The following PAX2 variants were observed in gnomAD, a reference collection of about 807,000 sequenced individuals.
PAX2 encodes the protein paired box protein Pax-2.
Under a neutral mutation model 41.7 loss-of-function variants are expected in PAX2, and 9 were observed. The ratio of observed to expected loss-of-function variants is 0.22; its 90% confidence interval spans 0.13 to 0.38. The LOEUF (loss-of-function observed/expected upper bound fraction) is 0.38. PAX2 is among the 10% of genes least tolerant of loss of function. The probability of loss-of-function intolerance (pLI) is 1.00; values close to 1 mark genes in which losing one functional copy is unlikely to be tolerated. For synonymous variants in PAX2, 221 were observed against 212.7 expected (o/e 1.04, Z -0.34); for missense variants, 418 against 531.6 (o/e 0.79, Z 2.10).
chr10:100,821,368 A>C (rs1309344788), intron 7 of PAX2, among the ~76,000 whole-genome samples: 2 of 152,220 alleles, frequency 1.3e-5, no homozygotes, highest in Non-Finnish European at 2.9e-5. Context: ...TACTGGTGTT[A>C]TAGACTCCGC....
intron 5 of PAX2, among the ~76,000 whole-genome samples, chr10:100,801,486 AC>A (rs1323175107): frequency 6.6e-6 from 1 of 152,170 alleles, no homozygotes; most frequent in African/African-American, 2.4e-5. Context: ...GTAGTAGCTC[AC>A]CCCCTTGAGA....
At chr10:100,764,789 C>T (rs1845963289) in intron 3 of PAX2, among the ~76,000 whole-genome samples, 1 of 152,046 alleles carries the variant, frequency 6.6e-6, no homozygotes, top group East Asian at 1.9e-4. Context: ...ATGGCATTTT[C>T]GTAGGTTGTG....
intron 5 of PAX2, chr10:100,786,918 T>G: frequency 7.4e-7 from 1 of 1,350,548 alleles, no homozygotes; most frequent in Non-Finnish European, 1.0e-6. Context: ...TCTCTCAGTG[T>G]TTGTCTGTCT....
upstream of PAX2, among the ~76,000 whole-genome samples, chr10:100,744,290 C>A (rs1034996148): frequency 6.6e-6 from 1 of 152,216 alleles, no homozygotes; most frequent in African/African-American, 2.4e-5. Context: ...GCCGAGCCGC[C>A]CTTTCGCAGA....
intron 5 of PAX2, among the ~76,000 whole-genome samples, chr10:100,805,691 G>A (rs908223117): frequency 3.3e-5 from 5 of 152,238 alleles, no homozygotes; most frequent in African/African-American, 9.6e-5. Flanking sequence ...ACTGGCTCCT[G>A]TAGGAGGCTT....
In PAX2 at chr10:100,749,848, T is replaced by G; in HGVS notation, c.146T>G (p.Val49Gly). 1 of 1,612,152 alleles carries G rather than the reference T, an allele frequency of 6.2e-7. No individual in the cohort carries two copies. Among genetic ancestry groups the G allele is most frequent in the Non-Finnish European group, 8.5e-7 (1 of 1,179,426 alleles). Residue 49 changes from valine (V) to glycine (G), a missense_variant, in exon 2 of 10, where the codon GTG becomes GGG. Val to Gly is a moderately radical substitution (Grantham distance 109). Around this residue, in one of 2 missense-constraint regions of PAX2, gnomAD observed 108 missense variants for 206.3 expected, o/e 0.52. Coordinates refer to ENST00000355243, the MANE Select transcript of PAX2 (RefSeq NM_000278.5). ...ATCGTGGAGCTGGCCCACCAGGGTG[T>G]GCGGCCCTGTGACATCTCCCGGCAG... The part of the protein sequence containing the change: ...QRIVELAHQG[V>G]RPCDISRQLR...
In PAX2 at chr10:100,746,173, C is replaced by A. The variant is rs1845162757; in HGVS notation, c.-88C>A. On this transcript the variant is annotated 5_prime_UTR_variant, in exon 1 of 10. Coordinates refer to ENST00000355243, the MANE Select transcript of PAX2 (RefSeq NM_000278.5). ...TCACTCATCCTCCCTCCCCCACCGT[C>A]CCTCCCTTTTCTCCTCAAGTCCTGA... The A allele has an allele frequency of 1.9e-6, 3 of 1,607,236 alleles. No individual in the cohort carries two copies. The highest frequency in any genetic ancestry group is 1.7e-6 in the Non-Finnish European group (2 of 1,176,520).
At chr10:100,735,875 G>A (rs1589794735) in intron 1 of PAX2, 1 of 482,114 alleles carries the variant, frequency 2.1e-6, no homozygotes, top group Non-Finnish European at 2.8e-6. Context: ...GGGGACTGAG[G>A]CTCTGCGGAC....
intron 6 of PAX2, among the ~76,000 whole-genome samples, chr10:100,807,563 C>T (rs1484927852): frequency 3.9e-5 from 6 of 152,326 alleles, no homozygotes; most frequent in East Asian, 1.9e-4. Flanking sequence ...CCACAGCCCA[C>T]GGTACTCACA....
intron 5 of PAX2, among the ~76,000 whole-genome samples, chr10:100,797,436 G>A (rs1847378318): frequency 1.3e-5 from 2 of 152,150 alleles, no homozygotes; most frequent in Non-Finnish European, 2.9e-5. Flanking sequence ...CTTAATCTCT[G>A]CACTTTCATT....
rs1401713258 is a variant in PAX2, at chr10:100,746,272, C to T, written c.12C>T (p.His4=). Residue 4 remains histidine (H), a synonymous_variant, in exon 1 of 10, where the codon CAC becomes CAT. Transcript: ENST00000355243. Reference sequence around the variant, plus strand: ...TCCTCTGCCTCCCCATGGATATGCACTGCAAAGCAGACCCCTTCTCCGCGA... The same window carrying T: ...TCCTCTGCCTCCCCATGGATATGCATTGCAAAGCAGACCCCTTCTCCGCGA... MDM[H]CKADPFSAMH... The T allele has an allele frequency of 3.1e-6, 5 of 1,613,318 alleles. No individual in the cohort carries two copies. Among genetic ancestry groups the T allele is most frequent in the Non-Finnish European group, 4.2e-6 (5 of 1,179,368 alleles).
intron 7 of PAX2, among the ~76,000 whole-genome samples, chr10:100,810,679 T>C (rs1052382618): frequency 2.0e-5 from 3 of 152,228 alleles, no homozygotes; most frequent in Non-Finnish European, 4.4e-5. Flanking sequence ...CTCCAGGCAC[T>C]GTTCAAAGAG....
intron 5 of PAX2, among the ~76,000 whole-genome samples, chr10:100,788,402 A>T (rs1271473452): frequency 2.0e-5 from 3 of 152,240 alleles, no homozygotes; most frequent in Non-Finnish European, 4.4e-5. Context: ...GGCTGGGGTC[A>T]GTAAAGGCAG....
intron 5 of PAX2, among the ~76,000 whole-genome samples, chr10:100,797,154 A>C (rs1162984714): frequency 6.6e-6 from 1 of 152,250 alleles, no homozygotes; most frequent in East Asian, 1.9e-4. Context: ...CTTTCTCTAC[A>C]TGAAGTTTAT....
intron 3 of PAX2, among the ~76,000 whole-genome samples, chr10:100,766,281 C>T (rs961449969): frequency 6.6e-6 from 1 of 152,230 alleles, no homozygotes; most frequent in Non-Finnish European, 1.5e-5. Flanking sequence ...AACAGGAAAC[C>T]TGCACCCTAG....
At chr10:100,814,213 G>A (rs540506506) in intron 7 of PAX2, among the ~76,000 whole-genome samples, 11 of 152,012 alleles carry the variant, frequency 7.2e-5, no homozygotes, top group South Asian at 2.1e-4. Context: ...TTAGCCGGGC[G>A]TGGTGGCAGG....
In PAX2 at chr10:100,826,422, GCA is replaced by G. The variant is rs1458345464; in HGVS notation, c.1022-586_1022-585del. The stretch of plus-strand genomic sequence containing the variant: ...CCGCTCACCGCTAGCGGACCAGCGG[GCA>G]GTCCACCTGCGCCGCCTCCATCCCC... On this transcript the variant is annotated intron_variant, in intron 8 of 9. Coordinates refer to ENST00000355243, the MANE Select transcript of PAX2 (RefSeq NM_000278.5). The surrounding 1 kb of genome is among the most constrained non-coding windows in gnomAD (Gnocchi z 5.5). 6.6e-6 allele frequency among the ~76,000 whole-genome samples: 1 copy of G among 152,210 alleles called. No homozygotes were observed.
At chr10:100,770,203 G>C (rs1309790295) in intron 3 of PAX2, among the ~76,000 whole-genome samples, 1 of 152,214 alleles carries the variant, frequency 6.6e-6, no homozygotes, top group African/African-American at 2.4e-5. Context: ...AGGTGAGCAT[G>C]CCTGTGGTGG....
At chr10:100,754,668 G>T (rs1326077333) in intron 3 of PAX2, among the ~76,000 whole-genome samples, 8 of 152,236 alleles carry the variant, frequency 5.3e-5, no homozygotes, top group Non-Finnish European at 1.5e-5. Flanking sequence ...TGGTCTACTA[G>T]TTGTTCGTTC....
Sources: gnomAD v4.1 joint callset for allele counts (sites outside exome capture counted in the v4.1 genomes callset) on GRCh38, gnomAD v4.1.1 for gene constraint, gnomAD v4.1.1 regional missense constraint, Gnocchi (gnomAD v3.1) non-coding constraint, MANE v1.5 for transcripts, NCBI Gene and HGNC (gene_info 2026-07-23, HGNC 2026-07-21) for gene names.